The following ARL15 variants were observed in gnomAD, a reference collection of about 807,000 sequenced individuals.
ARL15 encodes the protein ARF like GTPase 15.
In ARL15, 19 loss-of-function variants were observed where a neutral mutation model predicts 25.2. The ratio of observed to expected loss-of-function variants is 0.75; its 90% CI spans 0.53 to 1.10. The LOEUF (loss-of-function observed/expected upper bound fraction) is 1.10, where lower values mean the gene tolerates loss of function less well. ARL15 is among the 50% of genes least tolerant of loss of function. The probability of loss-of-function intolerance (pLI) is 0.00; values close to 1 mark genes in which losing one functional copy is unlikely to be tolerated. For missense variants in ARL15, 220 were observed against 246.0 expected (o/e 0.89, Z 0.71); for synonymous variants, 94 against 86.8 (o/e 1.08, Z -0.46).
At chr5:53,946,534 T>C (rs953365433) in intron 4 of ARL15, among the ~76,000 whole-genome samples, 4 of 129,504 alleles carry the variant, frequency 3.1e-5, no homozygotes, top group African/African-American at 8.5e-5. Context: ...AAACTTAAAA[T>C]CGCTGTTAAA....
intron 1 of ARL15, among the ~76,000 whole-genome samples, chr5:54,195,800 C>T (rs10076217): frequency 0.66 from 100,143 of 151,946 alleles, 33,625 homozygotes; most frequent in African/African-American, 0.76. Flanking sequence ...TCATTATTTT[C>T]CTGACAACTA....
At chr5:54,040,349 G>C (rs558956745) in intron 4 of ARL15, among the ~76,000 whole-genome samples, 6 of 152,174 alleles carry the variant, frequency 3.9e-5, no homozygotes, top group African/African-American at 9.6e-5. Context: ...AGTGGGAAGA[G>C]AGAATCAAAT....
At chr5:54,200,580 TA>T (rs557738427) in intron 1 of ARL15, among the ~76,000 whole-genome samples, 55 of 150,844 alleles carry the variant, frequency 3.6e-4, no homozygotes, top group East Asian at 1.4e-3. Context: ...GGAAGGATAA[TA>T]AAAAAAAACC....
chr5:54,029,322 ACCACCACCACTACCACCAC>A (rs1749891271), intron 4 of ARL15, among the ~76,000 whole-genome samples: 12 of 118,278 alleles, frequency 1.0e-4, no homozygotes, highest in South Asian at 5.5e-4. Flanking sequence ...CACCACCACC[ACCACCACCACTACCACCAC>A]CACCACCACC....
intron 1 of ARL15, among the ~76,000 whole-genome samples, chr5:54,291,863 CA>C (rs1345097271): frequency 6.6e-6 from 1 of 152,158 alleles, no homozygotes; most frequent in Admixed American, 6.5e-5. Flanking sequence ...CCACAACTGC[CA>C]GACCCTACGG....
At chr5:54,102,051 CACTT>C (rs1243733442) in intron 4 of ARL15, among the ~76,000 whole-genome samples, 1 of 145,934 alleles carries the variant, frequency 6.9e-6, no homozygotes, top group African/African-American at 2.6e-5. Context: ...CTCACTCTGT[CACTT>C]AGACTGGAGT....
chr5:53,928,836 C>CTG (rs1051982822), intron 4 of ARL15, among the ~76,000 whole-genome samples: 18 of 152,286 alleles, frequency 1.2e-4, no homozygotes, highest in African/African-American at 4.3e-4. Context: ...ATAAAACTCA[C>CTG]TGCGTTAACC....
intron 4 of ARL15, among the ~76,000 whole-genome samples, chr5:54,047,058 A>G (rs1750544709): frequency 6.6e-6 from 1 of 152,178 alleles, no homozygotes; most frequent in Non-Finnish European, 1.5e-5. Flanking sequence ...AGTGAGTTGA[A>G]GAGACTTGCT....
chr5:54,185,246 G>A (rs941750052), intron 1 of ARL15, among the ~76,000 whole-genome samples: 1 of 152,064 alleles, frequency 6.6e-6, no homozygotes, highest in Admixed American at 6.6e-5. Context: ...GTCAGTAAAG[G>A]GGCTGACCCT....
chr5:53,930,046 T>C (rs1746152435), intron 4 of ARL15, among the ~76,000 whole-genome samples: 1 of 152,166 alleles, frequency 6.6e-6, no homozygotes, highest in Admixed American at 6.5e-5. Context: ...GGCTCAATGA[T>C]ATTAAATACC....
intron 1 of ARL15, among the ~76,000 whole-genome samples, chr5:54,236,659 T>C (rs1756818904): frequency 6.6e-6 from 1 of 152,230 alleles, no homozygotes; most frequent in Admixed American, 6.5e-5. Flanking sequence ...ATTCTACTGG[T>C]CCTTTATAAT....
intron 1 of ARL15, among the ~76,000 whole-genome samples, chr5:54,251,992 T>A (rs1174559606): frequency 1.3e-5 from 2 of 152,238 alleles, no homozygotes; most frequent in Non-Finnish European, 2.9e-5. Flanking sequence ...AACAACTGTT[T>A]AATGAATAAA....
At chr5:54,159,044 C>T (rs1330081645) in intron 2 of ARL15, among the ~76,000 whole-genome samples, 1 of 152,066 alleles carries the variant, frequency 6.6e-6, no homozygotes, top group African/African-American at 2.4e-5. Context: ...TACACACGTG[C>T]CTAATAAATG....
chr5:54,174,006 C>A (rs1754792490), intron 1 of ARL15, among the ~76,000 whole-genome samples: 1 of 152,126 alleles, frequency 6.6e-6, no homozygotes, highest in South Asian at 2.1e-4. Flanking sequence ...CTGCTCCAAT[C>A]CTAAGATTGT....
chr5:54,227,866 C>G (rs1756568116), intron 1 of ARL15, among the ~76,000 whole-genome samples: 1 of 152,130 alleles, frequency 6.6e-6, no homozygotes, highest in Non-Finnish European at 1.5e-5. Flanking sequence ...AGGTACAAAA[C>G]AGTAAGTGGT....
At chr5:53,888,407 A>T (rs1341585902) in intron 4 of ARL15, among the ~76,000 whole-genome samples, 1 of 152,026 alleles carries the variant, frequency 6.6e-6, no homozygotes, top group African/African-American at 2.4e-5. Flanking sequence ...TAGCCTCCTC[A>T]GTAGCTGGGA....
rs138350185 is a variant in ARL15 at position 54,255,721 on chromosome 5, T to C, written c.48+54711A>G. ...CAGCATAAAACAGTCAAAACTTTGT[T>C]TCATGAATGAAATATTTAAAAATAT... On this transcript the variant is annotated intron_variant, in intron 1 of 4. Transcript: ENST00000504924. Among the ~76,000 whole-genome samples, 1,043 of 152,298 alleles carry C rather than the reference T, an allele frequency of 6.8e-3. 7 individuals carry two copies. The highest frequency in any genetic ancestry group is 0.024 in the Middle Eastern group (7 of 294).
chr5:53,965,377 G>T (rs373796653), intron 4 of ARL15, among the ~76,000 whole-genome samples: 3 of 152,286 alleles, frequency 2.0e-5, no homozygotes, highest in African/African-American at 7.2e-5. Context: ...TTTAGTAAAA[G>T]ATTAAATAAA....
chr5:54,287,144 T>A (rs1561296236), intron 1 of ARL15, among the ~76,000 whole-genome samples: 1 of 152,048 alleles, frequency 6.6e-6, no homozygotes, highest in Non-Finnish European at 1.5e-5. Context: ...CCTGCCAAAG[T>A]GCTGGGATTG....
Sources: gnomAD v4.1 joint callset for allele counts (sites outside exome capture counted in the v4.1 genomes callset) on GRCh38, gnomAD v4.1.1 for gene constraint, MANE v1.5 for transcripts, NCBI Gene and HGNC (gene_info 2026-07-23, HGNC 2026-07-21) for gene names.